The following SVIL variants were observed in gnomAD, a reference collection of about 807,000 sequenced individuals.
SVIL encodes the protein supervillin.
SVIL carries 101 observed loss-of-function variants against 240.4 expected under a neutral mutation model. The observed-to-expected ratio is 0.42, with a 90% CI of 0.36 to 0.50. The LOEUF (loss-of-function observed/expected upper bound fraction) is 0.50, where lower values mean the gene tolerates loss of function less well. Ranked by LOEUF, SVIL falls within the 20% of genes least tolerant of loss-of-function variation. SVIL has a pLI of 0.01. For missense variants in SVIL, 2,512 were observed against 2,818.7 expected, an observed-to-expected ratio of 0.89 and a Z score of 2.46; for synonymous variants, 999 against 1,100.0, an observed-to-expected ratio of 0.91 and a Z score of 1.82.
intron 2 of SVIL, among the ~76,000 whole-genome samples, chr10:29,685,597 T>C (rs1961007876): frequency 6.6e-6 from 1 of 152,254 alleles, no homozygotes; most frequent in Non-Finnish European, 1.5e-5. Flanking sequence ...TTCTGACTTT[T>C]TAACAGTAGC....
Position 29,471,218 on chromosome 10 carries a change from G to T in SVIL, c.5555C>A (p.Pro1852His). 1 of 1,612,878 alleles carries T rather than the reference G, an allele frequency of 6.2e-7. No individual in the cohort carries two copies. The highest frequency in any genetic ancestry group is 8.5e-7 in the Non-Finnish European group (1 of 1,179,132). Residue 1852 changes from proline to histidine, a missense_variant, in exon 31 of 38, where the codon CCC (proline) becomes CAC (histidine). Coordinates refer to ENST00000355867, the MANE Select transcript of SVIL (RefSeq NM_021738.3). Reference sequence around the variant, plus strand: ...CTGGAAACACTGCAGGAAACAGGGGGGCTCCTTTCCCTGGAGAACCTGGAC... The same window carrying T: ...CTGGAAACACTGCAGGAAACAGGGGTGCTCCTTTCCCTGGAGAACCTGGAC... Reference protein sequence around the residue: ...AQVQVLQGKEPPCFLQCFQGG... With the variant: ...AQVQVLQGKEHPCFLQCFQGG...
chr10:29,659,898 C>G (rs936453773), intron 2 of SVIL, among the ~76,000 whole-genome samples: 2 of 152,170 alleles, frequency 1.3e-5, no homozygotes, highest in African/African-American at 4.8e-5. Context: ...TCAATGTAAG[C>G]CTCTCTTTTT....
chr10:29,691,189 TA>T (rs1961469608), intron 1 of SVIL, among the ~76,000 whole-genome samples: 1 of 152,036 alleles, frequency 6.6e-6, no homozygotes, highest in African/African-American at 2.4e-5. Context: ...ATGAACAATG[TA>T]AAGTATGTTG....
rs201835171 is a variant in SVIL, at chr10:29,484,644, C to T, written c.4955+12G>A. 83 of 1,605,456 alleles carry T rather than the reference C, an allele frequency of 5.2e-5. No homozygotes were observed. The East Asian group carries it at 8.3e-4, about 16-fold the overall frequency. On this transcript the variant is annotated intron_variant, in intron 27 of 37. Coordinates refer to ENST00000355867, the MANE Select transcript of SVIL (RefSeq NM_021738.3). The surrounding 1 kb of genome is among the most constrained non-coding windows in gnomAD (Gnocchi z 4.7). ...CGCTTGAAGAGCTGTCCCCGGGCGG[C>T]GGCAGGAGTACCTGGGGATAAGCGG...
rs149170051 is a variant in SVIL at position 29,725,839 on chromosome 10, G to A, written c.-400+9912C>T. On this transcript the variant is annotated intron_variant, in intron 1 of 35. Coordinates refer to the SVIL transcript ENST00000375400. ...GCATAATTACAGACACTGAGGAACC[G>A]TCTAGACTAGATCCCCATGGTACAT... 5.9e-3 allele frequency among the ~76,000 whole-genome samples: 897 copies of A among 152,324 alleles called. 1 individual carries two copies. Among genetic ancestry groups the A allele is most frequent in the Middle Eastern group, 0.017 (5 of 294 alleles).
intron 1 of SVIL, among the ~76,000 whole-genome samples, chr10:29,633,236 C>CAAAAAAAAAAAAAA (rs5784146): frequency 1.4e-5 from 1 of 71,076 alleles, no homozygotes; most frequent in East Asian, 4.4e-4. Context: ...GACTCCATCT[C>CAAAAAAAAAAAAAA]AAAAAAAAAA....
intron 17 of SVIL, among the ~76,000 whole-genome samples, chr10:29,502,375 G>C (rs1948961145): frequency 1.3e-5 from 2 of 152,026 alleles, no homozygotes; most frequent in Non-Finnish European, 2.9e-5. Context: ...TTGTTCATTT[G>C]ATTTTTTTAA....
intron 1 of SVIL, among the ~76,000 whole-genome samples, chr10:29,599,572 C>A (rs766931195): frequency 6.6e-6 from 1 of 152,098 alleles, no homozygotes; most frequent in Non-Finnish European, 1.5e-5. Flanking sequence ...TGTGCCACCA[C>A]AGCCAGCTAA....
Position 29,533,282 on chromosome 10 carries a change from T to C in SVIL, c.1085A>G (p.Gln362Arg), listed in dbSNP as rs1353027815. 6 of 1,614,012 alleles carry C rather than the reference T, an allele frequency of 3.7e-6. No individual in the cohort carries two copies. Among genetic ancestry groups the C allele is most frequent in the African/African-American group, 2.7e-5 (2 of 74,914 alleles). ...GGGTTGGACATAGCCACGGATTGGC[T>C]GTCGTGTAGAGCCTGCTGCCTTGCT... ...VPSKAAGSTR[Q>R]PIRGYVQPAD... The change falls in exon 8 of 38, where the codon CAG becomes CGG. Residue 362 changes from glutamine (Q) to arginine (R), a missense_variant. This residue lies in a region of SVIL where 1,443 missense variants were observed against 1,486.6 expected (regional missense o/e 0.97). Transcript: ENST00000355867.
At chr10:29,611,490 G>A (rs1957241491) in intron 1 of SVIL, among the ~76,000 whole-genome samples, 1 of 151,800 alleles carries the variant, frequency 6.6e-6, no homozygotes, top group Non-Finnish European at 1.5e-5. Context: ...GCTCTGACAG[G>A]CGTGTCACTA....
chr10:29,678,768 A>ATATTAAAACCCCTGCTCT (rs1466954829), intron 2 of SVIL, among the ~76,000 whole-genome samples: 2 of 152,166 alleles, frequency 1.3e-5, no homozygotes, highest in African/African-American at 4.8e-5. Flanking sequence ...TGTGTGGGGG[A>ATATTAAAACCCCTGCTCT]TATTAAAACC....
intron 1 of SVIL, among the ~76,000 whole-genome samples, chr10:29,723,175 G>A (rs1169664602): frequency 1.3e-5 from 2 of 152,224 alleles, no homozygotes; most frequent in Non-Finnish European, 2.9e-5. Context: ...TTTGAGACCA[G>A]CCTGAGCAAT....
At chr10:29,602,263 T>C (rs1454695514) in intron 1 of SVIL, 3 of 533,478 alleles carry the variant, frequency 5.6e-6, no homozygotes, top group African/African-American at 3.9e-5. Flanking sequence ...TAAGTGTTCA[T>C]GAAGGCATAC....
intron 6 of SVIL, among the ~76,000 whole-genome samples, chr10:29,538,238 A>G (rs916609002): frequency 9.2e-5 from 14 of 152,210 alleles, no homozygotes; most frequent in African/African-American, 3.1e-4. Flanking sequence ...AATTTGATCA[A>G]TATCACCGTC....
rs145120990 is a variant in SVIL, at chr10:29,653,470, C to G, written c.-201+4499G>C. Among the ~76,000 whole-genome samples, 482 of 152,294 alleles carry G rather than the reference C, an allele frequency of 3.2e-3. 2 individuals are homozygous for G. Among genetic ancestry groups the G allele is most frequent in the African/African-American group, 0.011 (458 of 41,550 alleles). On this transcript the variant is annotated intron_variant, in intron 3 of 35. Transcript: ENST00000375400. The stretch of plus-strand genomic sequence containing the variant: ...ATTTTCTTTATGAATTACCCAGTCT[C>G]AGGTAGTTCTTTATAGCAATGCGAG...
intron 1 of SVIL, among the ~76,000 whole-genome samples, chr10:29,621,828 G>A (rs1055336741): frequency 2.3e-4 from 35 of 149,040 alleles, no homozygotes; most frequent in African/African-American, 8.4e-4. Flanking sequence ...CTAAATATAT[G>A]CGCACGCACA....
intron 18 of SVIL, among the ~76,000 whole-genome samples, chr10:29,498,245 C>A (rs774466495): frequency 2.0e-5 from 3 of 151,824 alleles, no homozygotes; most frequent in Non-Finnish European, 4.4e-5. Flanking sequence ...GGTGAAACTC[C>A]GTCTGTATTA....
chr10:29,612,972 T>C (rs534157916), intron 1 of SVIL, among the ~76,000 whole-genome samples: 4 of 152,080 alleles, frequency 2.6e-5, no homozygotes, highest in East Asian at 1.9e-4. Context: ...GGTCAAGAGA[T>C]TGAGACCATC....
chr10:29,598,040 A>G (rs554620898), intron 1 of SVIL, among the ~76,000 whole-genome samples: 13 of 152,272 alleles, frequency 8.5e-5, no homozygotes, highest in African/African-American at 3.1e-4. Flanking sequence ...AACGTGGTGT[A>G]TCTAAACCCA....
Sources: gnomAD v4.1 joint callset for allele counts (sites outside exome capture counted in the v4.1 genomes callset) on GRCh38, gnomAD v4.1.1 for gene constraint, gnomAD v4.1.1 regional missense constraint, Gnocchi (gnomAD v3.1) non-coding constraint, MANE v1.5 for transcripts, NCBI Gene and HGNC (gene_info 2026-07-23, HGNC 2026-07-21) for gene names.